SLC9A9: variants seen among roughly 807,000 people sequenced by gnomAD.
The protein encoded by SLC9A9 is sodium/hydrogen exchanger 9.
Under a neutral mutation model 77.8 loss-of-function variants are expected in SLC9A9, and 62 were observed. The ratio of observed to expected loss-of-function variants is 0.80; its 90% CI spans 0.65 to 0.98. The LOEUF (loss-of-function observed/expected upper bound fraction) is 0.98, where lower values mean the gene tolerates loss of function less well. Ranked by LOEUF, SLC9A9 falls within the 50% of genes least tolerant of loss-of-function variation. The pLI, the probability that SLC9A9 is intolerant of heterozygous loss-of-function variation, is 0.00. For synonymous variants in SLC9A9, 320 were observed against 283.5 expected (o/e 1.13, Z -1.29); for missense variants, 775 against 774.9 (o/e 1.00, Z 0.00).
At chr3:143,477,503 A>G (rs1237064884) in intron 11 of SLC9A9, among the ~76,000 whole-genome samples, 2 of 151,818 alleles carry the variant, frequency 1.3e-5, no homozygotes, top group East Asian at 3.9e-4. Context: ...ACACTTCTAG[A>G]ATCCTTGTCT....
chr3:143,784,353 G>A (rs1183031058), intron 4 of SLC9A9, among the ~76,000 whole-genome samples: 1 of 151,988 alleles, frequency 6.6e-6, no homozygotes, highest in East Asian at 1.9e-4. Context: ...AAGTCAAAAC[G>A]GGAGGCATTC....
chr3:143,689,425 G>T (rs1403272171), intron 5 of SLC9A9, among the ~76,000 whole-genome samples: 3 of 152,096 alleles, frequency 2.0e-5, no homozygotes, highest in Admixed American at 6.6e-5. Context: ...TTGAGACAGG[G>T]TCTTGCTCTG....
At chr3:143,806,509 C>A in intron 2 of SLC9A9, among the ~76,000 whole-genome samples, 1 of 151,550 alleles carries the variant, frequency 6.6e-6, no homozygotes, top group Non-Finnish European at 1.5e-5. Flanking sequence ...TATATTTGCT[C>A]AACTGGAAAA....
At chr3:143,786,576 T>C (rs1399262694) in intron 4 of SLC9A9, among the ~76,000 whole-genome samples, 1 of 152,188 alleles carries the variant, frequency 6.6e-6, no homozygotes, top group African/African-American at 2.4e-5. Context: ...TGTTTCTTTT[T>C]CCCAAAACTT....
intron 12 of SLC9A9, among the ~76,000 whole-genome samples, chr3:143,390,884 G>A (rs2033547689): frequency 1.3e-5 from 2 of 152,350 alleles, no homozygotes; most frequent in Non-Finnish European, 2.9e-5. Flanking sequence ...GAACTGCAAG[G>A]CAGCAGCAAG....
At chr3:143,722,538 A>AG (rs1299228580) in intron 4 of SLC9A9, among the ~76,000 whole-genome samples, 5 of 151,488 alleles carry the variant, frequency 3.3e-5, no homozygotes, top group Admixed American at 6.6e-5. Flanking sequence ...CCTAAGGAGA[A>AG]GTCACTGTAC....
chr3:143,824,650 C>T (rs1053230558), intron 2 of SLC9A9, among the ~76,000 whole-genome samples: 57 of 152,152 alleles, frequency 3.7e-4, no homozygotes, highest in Non-Finnish European at 4.0e-4. Flanking sequence ...ATACTTGCAG[C>T]ACCTAAAACC....
chr3:143,581,663 A>T (rs1040248165), intron 6 of SLC9A9, among the ~76,000 whole-genome samples: 2 of 152,208 alleles, frequency 1.3e-5, no homozygotes, highest in Non-Finnish European at 2.9e-5. Context: ...AAAGGCGATC[A>T]TGTTGTGGGG....
At chr3:143,600,099 A>T (rs1055436014) in intron 6 of SLC9A9, among the ~76,000 whole-genome samples, 1 of 152,102 alleles carries the variant, frequency 6.6e-6, no homozygotes, top group African/African-American at 2.4e-5. Context: ...TTACATAGGC[A>T]TACATGTGAC....
intron 14 of SLC9A9, among the ~76,000 whole-genome samples, chr3:143,312,268 G>A (rs535855583): frequency 1.3e-5 from 2 of 152,320 alleles, no homozygotes; most frequent in African/African-American, 4.8e-5. Context: ...AATAAACTTT[G>A]GTGGAAAAAC....
intron 9 of SLC9A9, among the ~76,000 whole-genome samples, chr3:143,528,036 C>T (rs971577023): frequency 2.0e-5 from 3 of 152,156 alleles, no homozygotes; most frequent in African/African-American, 7.2e-5. Flanking sequence ...ACACTGAAAG[C>T]CAGAGAGAAA....
chr3:143,713,177 G>A (rs16854167), intron 4 of SLC9A9, among the ~76,000 whole-genome samples: 1,609 of 152,270 alleles, frequency 0.011, 28 homozygotes, highest in African/African-American at 0.035. Flanking sequence ...CAGATTTTTC[G>A]CAAAAGGAGT....
At chr3:143,699,945 A>G (rs1317634847) in intron 4 of SLC9A9, among the ~76,000 whole-genome samples, 2 of 151,616 alleles carry the variant, frequency 1.3e-5, no homozygotes, top group Non-Finnish European at 2.9e-5. Flanking sequence ...GCTTGAGGAG[A>G]GGAGAGAGAA....
chr3:143,639,433 C>A (rs1448335408), intron 6 of SLC9A9, among the ~76,000 whole-genome samples: 2 of 152,180 alleles, frequency 1.3e-5, no homozygotes, highest in African/African-American at 4.8e-5. Context: ...GAGGGAATCA[C>A]TATCAACCCC....
At chr3:143,371,550 C>G (rs141853974) in intron 13 of SLC9A9, among the ~76,000 whole-genome samples, 2,018 of 152,056 alleles carry the variant, frequency 0.013, 33 homozygotes, top group Non-Finnish European at 0.017. Flanking sequence ...AGAAAGGTAA[C>G]CTATAGAAAC....
intron 4 of SLC9A9, among the ~76,000 whole-genome samples, chr3:143,694,711 G>A (rs531609797): frequency 2.0e-5 from 3 of 152,100 alleles, no homozygotes; most frequent in Non-Finnish European, 4.4e-5. Context: ...TAAAGCCTTG[G>A]CTTTTAACCA....
intron 6 of SLC9A9, among the ~76,000 whole-genome samples, chr3:143,598,828 G>A (rs1361397946): frequency 6.6e-6 from 1 of 152,206 alleles, no homozygotes; most frequent in Non-Finnish European, 1.5e-5. Context: ...TTTTCTCTGT[G>A]TGTGGTCTGG....
Position 143,831,634 on chromosome 3 carries a change from A to C in SLC9A9, c.378+385T>G, listed in dbSNP as rs185865507. Among the ~76,000 whole-genome samples, 29 of 152,326 alleles carry C rather than the reference A, an allele frequency of 1.9e-4. 1 individual carries two copies. The highest frequency in any genetic ancestry group is 1.6e-3 in the Admixed American group (25 of 15,300). On this transcript the variant is annotated intron_variant, in intron 2 of 15. Coordinates refer to ENST00000316549, the MANE Select transcript of SLC9A9 (RefSeq NM_173653.4). ...TTCTACTCCATTTTCCCTTTGGCTT[A>C]AGAAAGATTTGAACTGCACTTTCAG...
chr3:143,663,731 A>G (rs2039017733), intron 5 of SLC9A9, among the ~76,000 whole-genome samples: 1 of 152,232 alleles, frequency 6.6e-6, no homozygotes, highest in Non-Finnish European at 1.5e-5. Flanking sequence ...TGGAAGATCA[A>G]ATTAATGACA....
Sources: gnomAD v4.1 joint callset for allele counts (sites outside exome capture counted in the v4.1 genomes callset) on GRCh38, gnomAD v4.1.1 for gene constraint, MANE v1.5 for transcripts, NCBI Gene and HGNC (gene_info 2026-07-23, HGNC 2026-07-21) for gene names.